Variants in AFF2 observed in about 807,000 individuals in gnomAD.
The protein encoded by AFF2 is ALF transcription elongation factor 2, also known as AF4/FMR2 family member 2.
In AFF2, 14 loss-of-function variants were observed where a neutral mutation model predicts 76.9. That is an observed-to-expected ratio of 0.18 (90% confidence interval 0.12 to 0.28). The LOEUF (loss-of-function observed/expected upper bound fraction) is 0.28, where lower values mean the gene tolerates loss of function less well. AFF2 is among the 10% of genes least tolerant of loss of function. The probability of loss-of-function intolerance (pLI) is 1.00; values close to 1 mark genes in which losing one functional copy is unlikely to be tolerated. For missense variants in AFF2, 868 were observed against 1,001.1 expected, an observed-to-expected ratio of 0.87 and a Z score of 1.79; for synonymous variants, 398 against 366.7, an observed-to-expected ratio of 1.09 and a Z score of -0.98.
At chrX:148,626,932 G>A (rs1254213869) in intron 1 of AFF2, among the ~76,000 whole-genome samples, 1 of 111,762 alleles carries the variant, frequency 8.9e-6, no homozygotes, top group African/African-American at 3.3e-5. Context: ...CTATAAGACT[G>A]GGCATAGTGG....
At chrX:148,893,431 C>A (rs1453593402) in intron 8 of AFF2, among the ~76,000 whole-genome samples, 1 of 111,717 alleles carries the variant, frequency 9.0e-6, no homozygotes, top group African/African-American at 3.3e-5. Flanking sequence ...AATCTATATA[C>A]AATAGAATGC....
At chrX:148,545,626 A>G (rs1557238053) in intron 1 of AFF2, among the ~76,000 whole-genome samples, 1 of 111,237 alleles carries the variant, frequency 9.0e-6, no homozygotes, top group East Asian at 2.8e-4. Flanking sequence ...AATCATCAGT[A>G]TAGTACCTTT....
intron 8 of AFF2, among the ~76,000 whole-genome samples, chrX:148,892,325 T>C (rs1293425000): frequency 9.1e-6 from 1 of 109,952 alleles, no homozygotes; most frequent in Non-Finnish European, 1.9e-5. Context: ...CTCCACTTCA[T>C]AGTTTTGTTT....
chrX:148,781,390 G>T (rs1424501167), intron 3 of AFF2, among the ~76,000 whole-genome samples: 3 of 112,316 alleles, frequency 2.7e-5, no homozygotes, highest in Non-Finnish European at 5.6e-5. Flanking sequence ...ACCCCTGATT[G>T]GGGCTTTTGC....
chrX:148,873,692 G>T (rs1409442497), intron 7 of AFF2, among the ~76,000 whole-genome samples: 1 of 110,606 alleles, frequency 9.0e-6, no homozygotes, highest in African/African-American at 3.3e-5. Context: ...TGAATGTCTG[G>T]CACACATTAA....
chrX:148,794,024 T>G (rs961509760), intron 3 of AFF2, among the ~76,000 whole-genome samples: 8 of 112,279 alleles, frequency 7.1e-5, no homozygotes, highest in Admixed American at 1.9e-4. Context: ...CCTCCCTGTC[T>G]TCCAACAGAT....
intron 3 of AFF2, among the ~76,000 whole-genome samples, chrX:148,758,356 GT>G (rs1273602904): frequency 8.9e-6 from 1 of 112,645 alleles, no homozygotes; most frequent in African/African-American, 3.2e-5. Context: ...GATTTTGCTT[GT>G]TTAGTTTTAA....
intron 1 of AFF2, among the ~76,000 whole-genome samples, chrX:148,648,673 T>G (rs1382297140): frequency 9.0e-6 from 1 of 110,595 alleles, no homozygotes; most frequent in Non-Finnish European, 1.9e-5. Context: ...AAATGGAACT[T>G]GTTCTTCTTT....
At position 148,859,875 on chromosome X, in the gene AFF2, T is replaced by C. The variant is rs1433403759; in HGVS notation, c.1262+16442T>C. On this transcript the variant is annotated intron_variant, in intron 7 of 20. Transcript: ENST00000370460. ...AGGGTACATGTGCACAATGTGCAGG[T>C]TTGATGCATAGGTATACATGTGCCA... Among the ~76,000 whole-genome samples, 4 of 110,956 alleles carry C rather than the reference T, an allele frequency of 3.6e-5. No homozygotes were observed. The East Asian group carries it at 8.5e-4, about 24-fold the overall frequency.
intron 1 of AFF2, among the ~76,000 whole-genome samples, chrX:148,631,897 G>C (rs375443603): frequency 1.8e-5 from 2 of 111,934 alleles, no homozygotes; most frequent in Non-Finnish European, 3.8e-5. Flanking sequence ...GTGTGGATAT[G>C]TGCAAGGTTG....
At chrX:148,948,470 G>C (rs2071926848) in intron 9 of AFF2, among the ~76,000 whole-genome samples, 1 of 111,853 alleles carries the variant, frequency 8.9e-6, no homozygotes, top group Non-Finnish European at 1.9e-5. Flanking sequence ...GGGTAGTGGG[G>C]CCAGTGGTGC....
intron 9 of AFF2, among the ~76,000 whole-genome samples, chrX:148,920,224 T>G (rs1557283047): frequency 9.0e-6 from 1 of 111,559 alleles, no homozygotes; most frequent in African/African-American, 3.3e-5. Context: ...TATAGATGAC[T>G]GAAATCCAGA....
At chrX:148,900,308 A>G (rs1000273872) in intron 8 of AFF2, among the ~76,000 whole-genome samples, 4 of 111,246 alleles carry the variant, frequency 3.6e-5, no homozygotes, top group Non-Finnish European at 7.6e-5. Context: ...TTGTAATTCA[A>G]CATGGTTCCT....
At chrX:148,696,306 G>C (rs1276020092) in intron 3 of AFF2, among the ~76,000 whole-genome samples, 1 of 109,333 alleles carries the variant, frequency 9.1e-6, no homozygotes. Context: ...TTGTGGGGTG[G>C]GGGGAGAGGG....
chrX:148,704,364 GTGTGTATATATATATTTATATATA>G (rs2054846839), intron 3 of AFF2, among the ~76,000 whole-genome samples: 2 of 10,604 alleles, frequency 1.9e-4, no homozygotes, highest in African/African-American at 3.6e-4. Context: ...ATATATATAT[GTGTGTATATATATATTTATATATA>G]TGTGTAGATA....
At chrX:148,580,871 T>G (rs2053348731) in intron 1 of AFF2, among the ~76,000 whole-genome samples, 1 of 107,443 alleles carries the variant, frequency 9.3e-6, no homozygotes, top group African/African-American at 3.4e-5. Context: ...TTAAAAAACT[T>G]TTTATTTTGA....
At chrX:148,715,628 A>G (rs2055017562) in intron 3 of AFF2, among the ~76,000 whole-genome samples, 1 of 111,746 alleles carries the variant, frequency 8.9e-6, no homozygotes, top group Non-Finnish European at 1.9e-5. Flanking sequence ...TGAGGTTTTA[A>G]TTGTGGTCAA....
chrX:148,851,577 G>C (rs927054367), intron 7 of AFF2, among the ~76,000 whole-genome samples: 2 of 111,391 alleles, frequency 1.8e-5, no homozygotes, highest in Non-Finnish European at 3.8e-5. Context: ...ATAAGTGAGA[G>C]AAAAGTATCC....
chrX:148,528,945 T>A (rs1018032338), intron 1 of AFF2, among the ~76,000 whole-genome samples: 9 of 111,497 alleles, frequency 8.1e-5, no homozygotes, highest in Middle Eastern at 4.6e-3. Flanking sequence ...AAAGTAAAAA[T>A]TTTGATTTAA....
Sources: gnomAD v4.1 joint callset for allele counts (sites outside exome capture counted in the v4.1 genomes callset) on GRCh38, gnomAD v4.1.1 for gene constraint, MANE v1.5 for transcripts, NCBI Gene and HGNC (gene_info 2026-07-23, HGNC 2026-07-21) for gene names.